Variants in HSD17B12 observed in about 807,000 individuals in gnomAD.
The protein encoded by HSD17B12 is hydroxysteroid 17-beta dehydrogenase 12, also known as very-long-chain 3-oxoacyl-CoA reductase.
A neutral mutation model predicts 39.3 loss-of-function variants in HSD17B12; 32 were observed. The observed-to-expected ratio is 0.81, with a 90% CI of 0.61 to 1.09. The LOEUF is 1.09. HSD17B12 is among the 50% of genes least tolerant of loss of function. HSD17B12 has a pLI of 0.00. For synonymous variants in HSD17B12, 150 were observed against 146.7 expected (o/e 1.02, Z -0.16); for missense variants, 342 against 382.9 (o/e 0.89, Z 0.89).
chr11:43,678,918 G>A (rs1425630072), upstream of HSD17B12, among the ~76,000 whole-genome samples: 4 of 152,188 alleles, frequency 2.6e-5, no homozygotes, highest in Non-Finnish European at 5.9e-5. Context: ...GGCAATGCGG[G>A]CTCTTTTTTG....
chr11:43,773,198 A>G (rs925047288), intron 3 of HSD17B12, among the ~76,000 whole-genome samples: 2 of 152,222 alleles, frequency 1.3e-5, no homozygotes, highest in Non-Finnish European at 2.9e-5. Context: ...ATCTTACTAG[A>G]TTTGAAAAAT....
the HSD17B12 span, among the ~76,000 whole-genome samples, chr11:43,647,427 C>T: frequency 1.3e-5 from 2 of 149,486 alleles, no homozygotes; most frequent in Non-Finnish European, 3.0e-5. Context: ...AGGCATGCTC[C>T]ACCACACCTT....
intron 3 of HSD17B12, among the ~76,000 whole-genome samples, chr11:43,784,849 C>G (rs1437819071): frequency 1.3e-5 from 2 of 152,164 alleles, no homozygotes; most frequent in Non-Finnish European, 2.9e-5. Context: ...TGTTCTTTTA[C>G]TGGGTCTTAA....
At chr11:43,587,666 G>A in the HSD17B12 span, among the ~76,000 whole-genome samples, 2 of 152,186 alleles carry the variant, frequency 1.3e-5, no homozygotes, top group African/African-American at 4.8e-5. Context: ...GAGAAGTTTT[G>A]ATGACTAATC....
the HSD17B12 span, among the ~76,000 whole-genome samples, chr11:43,619,247 T>TC: frequency 3.8e-4 from 19 of 50,258 alleles, no homozygotes; most frequent in African/African-American, 1.2e-3. Context: ...ATATATAAAA[T>TC]ATATATATAT....
chr11:43,746,308 A>G (rs1472513593), intron 1 of HSD17B12, among the ~76,000 whole-genome samples: 2 of 152,248 alleles, frequency 1.3e-5, no homozygotes, highest in Non-Finnish European at 2.9e-5. Flanking sequence ...AACACATTGT[A>G]TACTGTACAA....
chr11:43,620,297 T>C, the HSD17B12 span, among the ~76,000 whole-genome samples: 1 of 152,160 alleles, frequency 6.6e-6, no homozygotes, highest in Non-Finnish European at 1.5e-5. Flanking sequence ...CCCCATTTTA[T>C]AGATGAGGAA....
intron 3 of HSD17B12, among the ~76,000 whole-genome samples, chr11:43,773,283 A>C (rs557939823): frequency 2.6e-5 from 4 of 152,308 alleles, no homozygotes; most frequent in Admixed American, 2.6e-4. Flanking sequence ...TTGCTTTGTC[A>C]CCCAGGCTGG....
chr11:43,591,240 G>A, the HSD17B12 span, among the ~76,000 whole-genome samples: 2 of 152,124 alleles, frequency 1.3e-5, no homozygotes, highest in Admixed American at 6.5e-5. Flanking sequence ...TTTGCTCAGT[G>A]TTGTTTATAA....
intron 3 of HSD17B12, among the ~76,000 whole-genome samples, chr11:43,797,681 T>C (rs1387124220): frequency 1.3e-5 from 2 of 152,232 alleles, no homozygotes; most frequent in African/African-American, 4.8e-5. Context: ...TCTGAAGCTA[T>C]TATTTTCATC....
the HSD17B12 span, among the ~76,000 whole-genome samples, chr11:43,593,723 T>G: frequency 6.6e-6 from 1 of 151,896 alleles, no homozygotes; most frequent in African/African-American, 2.4e-5. Context: ...ATTTTGTGAT[T>G]AAAAGGTATT....
At chr11:43,708,063 C>G (rs1331701843) in intron 1 of HSD17B12, among the ~76,000 whole-genome samples, 1 of 152,136 alleles carries the variant, frequency 6.6e-6, no homozygotes, top group Non-Finnish European at 1.5e-5. Context: ...AGGCCCCACC[C>G]GCAGATACCA....
intron 6 of HSD17B12, among the ~76,000 whole-genome samples, chr11:43,829,219 G>A (rs142287036): frequency 1.5e-4 from 23 of 152,254 alleles, no homozygotes; most frequent in South Asian, 4.1e-4. Context: ...TCCTCTAGTC[G>A]TTGAGCATTC....
intron 4 of HSD17B12, among the ~76,000 whole-genome samples, chr11:43,810,185 A>C (rs1951056676): frequency 6.6e-6 from 1 of 152,078 alleles, no homozygotes; most frequent in African/African-American, 2.4e-5. Context: ...CCTAACCCAG[A>C]TACCAAAAAT....
chr11:43,761,379 C>T (rs1449845151), intron 3 of HSD17B12, among the ~76,000 whole-genome samples: 1 of 152,170 alleles, frequency 6.6e-6, no homozygotes, highest in Non-Finnish European at 1.5e-5. Flanking sequence ...CAAGGCCAAT[C>T]AATATGTGTT....
At chr11:43,688,806 A>G (rs1590660773) in intron 1 of HSD17B12, among the ~76,000 whole-genome samples, 1 of 152,186 alleles carries the variant, frequency 6.6e-6, no homozygotes, top group Non-Finnish European at 1.5e-5. Flanking sequence ...ACCTCTGAGC[A>G]TAACTTCTTT....
the HSD17B12 span, among the ~76,000 whole-genome samples, chr11:43,598,721 G>A: frequency 2.1e-3 from 324 of 152,090 alleles, 1 homozygote; most frequent in African/African-American, 7.4e-3. Context: ...ATCCATCTCC[G>A]GTCTCTGCTC....
At chr11:43,575,441 C>T in the HSD17B12 span, among the ~76,000 whole-genome samples, 11 of 152,184 alleles carry the variant, frequency 7.2e-5, no homozygotes, top group Non-Finnish European at 1.0e-4. The surrounding 1 kb of genome is among the most constrained non-coding windows in gnomAD (Gnocchi z 4.1). Flanking sequence ...TGAGAAAGGG[C>T]GGGGAAAGGA....
the HSD17B12 span, among the ~76,000 whole-genome samples, chr11:43,605,755 T>C: frequency 6.6e-6 from 1 of 152,316 alleles, no homozygotes; most frequent in South Asian, 2.1e-4. Flanking sequence ...TATAAAGTGC[T>C]ATATAAACGT....
Sources: gnomAD v4.1 joint callset for allele counts (sites outside exome capture counted in the v4.1 genomes callset) on GRCh38, gnomAD v4.1.1 for gene constraint, Gnocchi (gnomAD v3.1) non-coding constraint, MANE v1.5 for transcripts, NCBI Gene and HGNC (gene_info 2026-07-23, HGNC 2026-07-21) for gene names.